Variants in EIF2AK2 observed in about 807,000 individuals in gnomAD.
The protein encoded by EIF2AK2 is interferon-induced, double-stranded RNA-activated protein kinase.
A neutral mutation model predicts 70.5 loss-of-function variants in EIF2AK2; 40 were observed. The ratio of observed to expected loss-of-function variants is 0.57; its 90% confidence interval spans 0.44 to 0.74. The LOEUF is 0.74. EIF2AK2 is among the 30% of genes least tolerant of loss of function. The pLI, the probability that EIF2AK2 is intolerant of heterozygous loss-of-function variation, is 0.00. For synonymous variants in EIF2AK2, 198 were observed against 220.9 expected, an observed-to-expected ratio of 0.90 and a Z score of 0.92; for missense variants, 555 against 644.3, an observed-to-expected ratio of 0.86 and a Z score of 1.50.
intron 10 of EIF2AK2, among the ~76,000 whole-genome samples, chr2:37,134,428 C>A (rs539959418): frequency 1.3e-5 from 2 of 152,208 alleles, no homozygotes; most frequent in Admixed American, 6.5e-5. Context: ...TCAAACTAAC[C>A]GAGTTGACTA....
At chr2:37,108,977 G>A (rs915544677) in intron 15 of EIF2AK2, among the ~76,000 whole-genome samples, 4 of 152,202 alleles carry the variant, frequency 2.6e-5, no homozygotes, top group Admixed American at 2.6e-4. Context: ...CTTATGAGAT[G>A]TACTACCTTC....
intron 13 of EIF2AK2, chr2:37,115,243 T>C (rs944480912): frequency 1.5e-5 from 3 of 197,976 alleles, no homozygotes; most frequent in African/African-American, 2.6e-5. Flanking sequence ...TTTTTTTTTT[T>C]AGTAGAGACA....
chr2:37,111,498 C>T (rs531549522), intron 14 of EIF2AK2, among the ~76,000 whole-genome samples: 1 of 150,478 alleles, frequency 6.6e-6, no homozygotes, highest in South Asian at 2.1e-4. Flanking sequence ...CTCCCGGGTT[C>T]AAGCATGGAA....
chr2:37,135,774 G>C (rs1462238371), intron 9 of EIF2AK2, among the ~76,000 whole-genome samples: 1 of 152,130 alleles, frequency 6.6e-6, no homozygotes, highest in Non-Finnish European at 1.5e-5. Context: ...GGGATTACAG[G>C]CATGTGCCAC....
intron 9 of EIF2AK2, among the ~76,000 whole-genome samples, chr2:37,135,914 C>T (rs978838968): frequency 2.6e-5 from 4 of 152,200 alleles, no homozygotes; most frequent in African/African-American, 9.6e-5. Context: ...ATCACAGGCG[C>T]AAGCCACAGC....
chr2:37,149,749 G>A (rs563270779), intron 1 of EIF2AK2, among the ~76,000 whole-genome samples: 3 of 152,276 alleles, frequency 2.0e-5, no homozygotes, highest in East Asian at 1.9e-4. Context: ...TACAAATCAC[G>A]ATGTAAATAA....
Position 37,102,107 on chromosome 2 carries a change from G to C in EIF2AK2, c.*5166C>G, listed in dbSNP as rs1241432634. 1 of 152,086 alleles carries C rather than the reference G, an allele frequency of 6.6e-6. No homozygotes were observed. Among genetic ancestry groups the C allele is most frequent in the African/African-American group, 2.4e-5 (1 of 41,400 alleles). 9.4% of individuals were successfully genotyped at this position (152,086 alleles called of 1,614,324 possible). On this transcript the variant is annotated 3_prime_UTR_variant, in exon 17 of 17. Coordinates refer to ENST00000233057, the MANE Select transcript of EIF2AK2 (RefSeq NM_001135651.3). ...ATTTAAAAATTAGTTGGGTGTGTTG[G>C]TGTATGCATGTAGTCCCAGCTATTC... is the stretch of plus-strand genomic sequence containing the variant.
At chr2:37,125,628 G>A (rs1042186963) in intron 11 of EIF2AK2, among the ~76,000 whole-genome samples, 1 of 152,220 alleles carries the variant, frequency 6.6e-6, no homozygotes, top group Non-Finnish European at 1.5e-5. Context: ...CACAGCCGGT[G>A]TCAACTGCTA....
At chr2:37,131,918 C>T (rs114887221) in intron 10 of EIF2AK2, among the ~76,000 whole-genome samples, 71 of 152,272 alleles carry the variant, frequency 4.7e-4, no homozygotes, top group African/African-American at 1.6e-3. Flanking sequence ...ACCACCAATT[C>T]TAAATATGTT....
intron 12 of EIF2AK2, among the ~76,000 whole-genome samples, chr2:37,121,954 T>C (rs181723425): frequency 4.9e-4 from 75 of 152,314 alleles, no homozygotes; most frequent in Admixed American, 1.6e-3. Flanking sequence ...TCCAGTTGTT[T>C]GGCAATGGCT....
intron 11 of EIF2AK2, among the ~76,000 whole-genome samples, chr2:37,124,182 G>A (rs1207806257): frequency 1.3e-5 from 2 of 151,956 alleles, no homozygotes; most frequent in African/African-American, 2.4e-5. Flanking sequence ...TGCCCAGGTT[G>A]GTCTCGCACT....
chr2:37,143,524 G>A lies in EIF2AK2; in HGVS notation c.241-1823C>T, dbSNP rs1675415544. Among the ~76,000 whole-genome samples the A allele has an allele frequency of 2.6e-5, 4 of 152,220 alleles. No homozygotes were observed. In the South Asian group the frequency reaches 8.3e-4, roughly 32 times the overall value. On this transcript the variant is annotated intron_variant, in intron 4 of 16. Transcript: ENST00000233057. ...CAAAAATATTTGGAAAAAAAATGAT[G>A]GTTGCATCTGTACTAAATATATGCA...
At chr2:37,139,818 G>A (rs1675266112) in intron 5 of EIF2AK2, 61 bp from the exon 6 acceptor site, 3 of 1,513,666 alleles carry the variant, frequency 2.0e-6, no homozygotes, top group Middle Eastern at 1.9e-4. Context: ...TCCAACTTAG[G>A]ATTCAAAAAA....
chr2:37,149,953 G>A (rs1329227033), intron 1 of EIF2AK2, among the ~76,000 whole-genome samples: 1 of 152,064 alleles, frequency 6.6e-6, no homozygotes, highest in Non-Finnish European at 1.5e-5. Context: ...GTCCAACAAA[G>A]CAACGAAAAA....
intron 11 of EIF2AK2, among the ~76,000 whole-genome samples, chr2:37,125,398 T>TC (rs1674695961): frequency 6.6e-6 from 1 of 152,208 alleles, no homozygotes; most frequent in African/African-American, 2.4e-5. Flanking sequence ...TAAGCTGGCT[T>TC]CAGTGACTTG....
intron 14 of EIF2AK2, 133 bp downstream of exon 14, chr2:37,114,598 G>A (rs566993011): frequency 8.8e-5 from 58 of 658,340 alleles, no homozygotes; most frequent in African/African-American, 8.3e-4. Flanking sequence ...AAGAATAGGG[G>A]TAGAAAAGAA....
At chr2:37,147,892 T>C (rs1038361224) in intron 2 of EIF2AK2, 70 bp from the exon 3 acceptor site, 2 of 1,088,580 alleles carry the variant, frequency 1.8e-6, no homozygotes, top group African/African-American at 3.1e-5. Context: ...CCCAATGCAG[T>C]TTAGGAGACA....
chr2:37,148,307 A>C (rs1471524906), intron 2 of EIF2AK2, among the ~76,000 whole-genome samples: 1 of 152,238 alleles, frequency 6.6e-6, no homozygotes, highest in Non-Finnish European at 1.5e-5. Context: ...GCAGGATTGT[A>C]GAATGTTTTA....
At chr2:37,147,029 A>C (rs1208754063) in intron 3 of EIF2AK2, 56 bp from the exon 4 acceptor site, 4 of 1,532,120 alleles carry the variant, frequency 2.6e-6, no homozygotes, top group Non-Finnish European at 3.5e-6. Flanking sequence ...CTATCTAAAA[A>C]CAAGTACTCT....
Sources: allele counts gnomAD v4.1 joint callset (sites outside exome capture counted in the v4.1 genomes callset), GRCh38; gene constraint gnomAD v4.1.1; transcripts MANE v1.5; gene names NCBI Gene and HGNC (gene_info 2026-07-23, HGNC 2026-07-21).